The following CHCHD3 variants were observed in gnomAD, a reference collection of about 807,000 sequenced individuals.
CHCHD3 encodes coiled-coil-helix-coiled-coil-helix domain containing 3, also known as MICOS complex subunit MIC19.
A neutral mutation model predicts 38.2 loss-of-function variants in CHCHD3; 20 were observed. The ratio of observed to expected loss-of-function variants is 0.52; its 90% CI spans 0.37 to 0.76. The LOEUF (loss-of-function observed/expected upper bound fraction) is 0.76. CHCHD3 is among the 30% of genes least tolerant of loss of function. The pLI is 0.00. For missense variants in CHCHD3, 245 were observed against 279.2 expected, an observed-to-expected ratio of 0.88 and a Z score of 0.87; for synonymous variants, 82 against 100.0, an observed-to-expected ratio of 0.82 and a Z score of 1.07.
chr7:133,012,222 T>C (rs962520413), intron 3 of CHCHD3, among the ~76,000 whole-genome samples: 1 of 152,304 alleles, frequency 6.6e-6, no homozygotes, highest in East Asian at 1.9e-4. Context: ...AAAAACTGAA[T>C]TGTACAGCTG....
intron 6 of CHCHD3, among the ~76,000 whole-genome samples, chr7:132,804,451 C>G (rs1806863779): frequency 6.6e-6 from 1 of 152,080 alleles, no homozygotes; most frequent in Non-Finnish European, 1.5e-5. Context: ...TGAGGGGTGA[C>G]TCGGGTGGTG....
chr7:132,928,929 T>C lies in CHCHD3; in HGVS notation c.370-43184A>G, dbSNP rs187401567. ...CCTACTCCCTCCTCAAATCCTGAGA[T>C]TTTGCTCCATCAACTTATTATCACC... On this transcript the variant is annotated intron_variant, in intron 4 of 7. Transcript: ENST00000262570. Among the ~76,000 whole-genome samples the C allele has an allele frequency of 7.1e-3, 1,081 of 152,184 alleles. 24 individuals carry two copies. Among genetic ancestry groups the C allele is most frequent in the Non-Finnish European group, 5.2e-3 (352 of 68,012 alleles).
At chr7:132,836,472 C>T (rs1807785832) in intron 6 of CHCHD3, among the ~76,000 whole-genome samples, 1 of 151,844 alleles carries the variant, frequency 6.6e-6, no homozygotes, top group Non-Finnish European at 1.5e-5. Context: ...GTAGAGACTT[C>T]CCATCTGATT....
chr7:132,969,455 G>A (rs1015659773), intron 4 of CHCHD3, among the ~76,000 whole-genome samples: 2 of 152,138 alleles, frequency 1.3e-5, no homozygotes, highest in African/African-American at 4.8e-5. Flanking sequence ...AGTATCTGAG[G>A]CCAGGACCCT....
intron 4 of CHCHD3, among the ~76,000 whole-genome samples, chr7:132,936,423 T>C (rs989838338): frequency 3.1e-4 from 47 of 152,164 alleles, no homozygotes; most frequent in Non-Finnish European, 5.9e-5. Context: ...AGCAGTGTAC[T>C]CATGGAAATG....
intron 2 of CHCHD3, among the ~76,000 whole-genome samples, chr7:133,031,392 A>G (rs1429250170): frequency 6.6e-6 from 1 of 152,160 alleles, no homozygotes; most frequent in African/African-American, 2.4e-5. Flanking sequence ...GAAAAACAGA[A>G]GACTGAAAAT....
intron 4 of CHCHD3, among the ~76,000 whole-genome samples, chr7:132,895,690 C>G (rs968227610): frequency 1.3e-4 from 20 of 152,354 alleles, no homozygotes; most frequent in Admixed American, 8.5e-4. Flanking sequence ...TGCACAAGCT[C>G]TCTTTGCCTG....
chr7:132,842,948 G>A (rs889189425), intron 5 of CHCHD3, among the ~76,000 whole-genome samples: 2 of 152,168 alleles, frequency 1.3e-5, no homozygotes, highest in African/African-American at 4.8e-5. Flanking sequence ...TCTTCTCAAA[G>A]TTTTGTCCAT....
intron 6 of CHCHD3, among the ~76,000 whole-genome samples, chr7:132,828,513 T>C (rs762373690): frequency 1.3e-5 from 2 of 152,170 alleles, no homozygotes; most frequent in Non-Finnish European, 2.9e-5. Flanking sequence ...TGTTTGCTTA[T>C]CTCTTAAGAA....
intron 2 of CHCHD3, among the ~76,000 whole-genome samples, chr7:133,025,027 A>T (rs574097706): frequency 3.6e-4 from 55 of 152,374 alleles, no homozygotes; most frequent in African/African-American, 1.3e-3. Context: ...AAATCTTCTC[A>T]TTTCAATAAT....
rs369072109 is a variant in CHCHD3 at position 133,054,436 on chromosome 7, CA to C, written c.169+15705del. Among the ~76,000 whole-genome samples, 26 of 151,890 alleles carry C rather than the reference CA, an allele frequency of 1.7e-4. 1 individual carries two copies. The highest frequency in any genetic ancestry group is 3.4e-3 in the Middle Eastern group (1 of 292). On this transcript the variant is annotated intron_variant, in intron 2 of 7. Coordinates refer to ENST00000262570, the MANE Select transcript of CHCHD3 (RefSeq NM_017812.4). ...TGCTATGAGCTCCCAGTCCAAACTT[CA>C]AAAAATAACAATAAATATTATATAA...
chr7:132,870,529 T>C (rs1808741547), intron 5 of CHCHD3, among the ~76,000 whole-genome samples: 1 of 152,142 alleles, frequency 6.6e-6, no homozygotes, highest in Admixed American at 6.5e-5. Flanking sequence ...TAATTTAGTA[T>C]GTATAAATTA....
chr7:132,816,542 T>C (rs1201286852), intron 6 of CHCHD3, among the ~76,000 whole-genome samples: 4 of 152,158 alleles, frequency 2.6e-5, no homozygotes, highest in Non-Finnish European at 5.9e-5. Context: ...CTCCAGAAAG[T>C]CCTTAATGAC....
rs1287023710 is a variant in CHCHD3 at position 133,035,114 on chromosome 7, C to A, written c.170-10487G>T. The A allele has an allele frequency of 1.2e-6, 2 of 1,613,544 alleles. No individual in the cohort carries two copies. Among genetic ancestry groups the A allele is most frequent in the Non-Finnish European group, 1.7e-6 (2 of 1,179,716 alleles). ...CCTTGGCCTTGGGCTCAGCAGCCAG[C>A]GCCTGCTCACATTCATCCATCTCCT... On this transcript the variant is annotated intron_variant, in intron 2 of 7. Transcript: ENST00000262570. This position sits in a 1 kb window ranked among gnomAD's most constrained non-coding sequence, Gnocchi z 4.7.
At chr7:133,055,008 G>GTA (rs1749101661) in intron 2 of CHCHD3, among the ~76,000 whole-genome samples, 1 of 151,924 alleles carries the variant, frequency 6.6e-6, no homozygotes, top group Non-Finnish European at 1.5e-5. Flanking sequence ...TGCTAACAGA[G>GTA]TTATAAATAA....
chr7:132,921,964 C>A (rs1028590922), intron 4 of CHCHD3, among the ~76,000 whole-genome samples: 1 of 152,162 alleles, frequency 6.6e-6, no homozygotes, highest in African/African-American at 2.4e-5. Context: ...AAATGACTAC[C>A]CAAGGATTCA....
intron 7 of CHCHD3, 125 bp from the exon 8 acceptor site, chr7:132,785,785 G>C (rs999783789): frequency 4.0e-6 from 4 of 989,194 alleles, no homozygotes; most frequent in Non-Finnish European, 4.7e-6. Context: ...AGAAAACAAG[G>C]CATATGCTTC....
chr7:132,877,188 A>G lies in CHCHD3; in HGVS notation c.453+8474T>C, dbSNP rs149417727. On this transcript the variant is annotated intron_variant, in intron 5 of 7. Coordinates refer to ENST00000262570, the MANE Select transcript of CHCHD3 (RefSeq NM_017812.4). ...TCACCCTAGAAAAAAAGTAAGTCTC[A>G]TATCCCTAAAGCCAGATTTGAAAAG... Among the ~76,000 whole-genome samples the G allele has an allele frequency of 8.4e-3, 1,274 of 152,266 alleles. 24 individuals are homozygous for G. Among genetic ancestry groups the G allele is most frequent in the African/African-American group, 0.029 (1,209 of 41,556 alleles).
At chr7:132,842,217 T>G (rs1479962681) in intron 5 of CHCHD3, among the ~76,000 whole-genome samples, 1 of 152,178 alleles carries the variant, frequency 6.6e-6, no homozygotes, top group Admixed American at 6.5e-5. Context: ...AAAAGTGTAT[T>G]GGGCAGGGCG....
Sources: allele counts gnomAD v4.1 joint callset (sites outside exome capture counted in the v4.1 genomes callset), GRCh38; gene constraint gnomAD v4.1.1; non-coding constraint Gnocchi (gnomAD v3.1); transcripts MANE v1.5; gene names NCBI Gene and HGNC (gene_info 2026-07-23, HGNC 2026-07-21).